SPAG16: variants seen among roughly 807,000 people sequenced by gnomAD.
The protein encoded by SPAG16 is sperm-associated antigen 16 protein.
SPAG16 carries 86 observed loss-of-function variants against 80.4 expected under a neutral mutation model. The ratio of observed to expected loss-of-function variants is 1.07; its 90% CI spans 0.90 to 1.28. The LOEUF (loss-of-function observed/expected upper bound fraction) is 1.28, where lower values mean the gene tolerates loss of function less well. Ranked by LOEUF, SPAG16 falls within the 50% of genes most tolerant of loss-of-function variation. SPAG16 has a pLI of 0.00. For synonymous variants in SPAG16, 294 were observed against 265.9 expected (o/e 1.11, Z -1.03); for missense variants, 870 against 765.3 (o/e 1.14, Z -1.61).
At chr2:213,666,968 C>T (rs2063630129) in intron 10 of SPAG16, among the ~76,000 whole-genome samples, 1 of 152,162 alleles carries the variant, frequency 6.6e-6, no homozygotes, top group Admixed American at 6.5e-5. Flanking sequence ...TTGTAGAATG[C>T]ATTTCTATGA....
intron 10 of SPAG16, among the ~76,000 whole-genome samples, chr2:213,708,943 T>C (rs1217427074): frequency 2.0e-5 from 3 of 152,200 alleles, no homozygotes; most frequent in Non-Finnish European, 2.9e-5. Context: ...GTGATATCTG[T>C]ATATATCAGC....
intron 1 of SPAG16, among the ~76,000 whole-genome samples, chr2:213,289,338 C>T (rs556301122): frequency 2.0e-5 from 3 of 152,322 alleles, no homozygotes; most frequent in Admixed American, 1.3e-4. Flanking sequence ...CTGAGTCTTA[C>T]ATGCTGAACA....
chr2:213,925,010 A>G (rs945410502), intron 11 of SPAG16, among the ~76,000 whole-genome samples: 2 of 151,842 alleles, frequency 1.3e-5, no homozygotes, highest in Admixed American at 6.6e-5. Context: ...ATGCTCTATT[A>G]CTATTCTTAT....
At chr2:213,656,536 A>C (rs2063230909) in intron 10 of SPAG16, among the ~76,000 whole-genome samples, 2 of 152,210 alleles carry the variant, frequency 1.3e-5, no homozygotes, top group Admixed American at 1.3e-4. Flanking sequence ...GTTGTTGAAG[A>C]AGTCAGGCCA....
At chr2:213,533,592 C>A (rs2076146383) in intron 10 of SPAG16, among the ~76,000 whole-genome samples, 1 of 152,146 alleles carries the variant, frequency 6.6e-6, no homozygotes, top group Middle Eastern at 3.4e-3. Context: ...AAAGTTCATG[C>A]CAATTTTTCT....
chr2:214,188,327 A>G (rs1450639048), intron 15 of SPAG16, among the ~76,000 whole-genome samples: 1 of 152,194 alleles, frequency 6.6e-6, no homozygotes, highest in African/African-American at 2.4e-5. Flanking sequence ...TTGTATATAC[A>G]TTCCACACAT....
chr2:213,350,542 A>C lies in SPAG16; in HGVS notation c.659A>C (p.Tyr220Ser), dbSNP rs1426596251. 1 of 1,566,918 alleles carries C rather than the reference A, an allele frequency of 6.4e-7. No individual in the cohort carries two copies. ...ATTTTTTATAGGTTGAAGTTACATTATGCATCTTATGAACCGACTATAAGG... is the reference window on the plus strand; with the variant it reads ...ATTTTTTATAGGTTGAAGTTACATTCTGCATCTTATGAACCGACTATAAGG... The part of the protein sequence containing the change: ...INDLKGLKLH[Y>S]ASYEPTIRVL... Residue 220 changes from tyrosine to serine, a missense_variant, in exon 7 of 16, where the codon TAT (tyrosine) becomes TCT (serine). Coordinates refer to ENST00000331683, the MANE Select transcript of SPAG16 (RefSeq NM_024532.5).
intron 10 of SPAG16, among the ~76,000 whole-genome samples, chr2:213,678,880 C>G (rs929578409): frequency 6.6e-6 from 1 of 152,124 alleles, no homozygotes; most frequent in Admixed American, 6.6e-5. Flanking sequence ...GTTTTGCCCC[C>G]ATCTCATCCT....
chr2:214,071,996 A>G (rs1168388169), intron 13 of SPAG16, among the ~76,000 whole-genome samples: 1 of 152,174 alleles, frequency 6.6e-6, no homozygotes, highest in East Asian at 1.9e-4. Flanking sequence ...ATAAATATGT[A>G]CAAGCTATTT....
At chr2:213,808,121 G>A (rs1241355824) in intron 10 of SPAG16, among the ~76,000 whole-genome samples, 1 of 152,206 alleles carries the variant, frequency 6.6e-6, no homozygotes, top group Non-Finnish European at 1.5e-5. Flanking sequence ...AGCCACGTAT[G>A]AATGAGGCTG....
chr2:213,971,516 A>G (rs2045053780), intron 12 of SPAG16, among the ~76,000 whole-genome samples: 1 of 152,140 alleles, frequency 6.6e-6, no homozygotes, highest in South Asian at 2.1e-4. Flanking sequence ...ACAGTTTTCC[A>G]TTTTAACCAT....
In SPAG16 at chr2:214,292,108, G is replaced by A. The variant is rs114349683; in HGVS notation, c.1721-118032G>A. 4.7e-3 allele frequency among the ~76,000 whole-genome samples: 709 copies of A among 152,218 alleles called. 4 individuals are homozygous for A. The highest frequency in any genetic ancestry group is 0.016 in the African/African-American group (674 of 41,546). On this transcript the variant is annotated intron_variant, in intron 15 of 15. Coordinates refer to ENST00000331683, the MANE Select transcript of SPAG16 (RefSeq NM_024532.5). Reference sequence around the variant, plus strand: ...TCCTGGCCTAACAGGTTTCTGCTGAGCCCCAGTGTTAGTCTGATGGGAGTT... The same window carrying A: ...TCCTGGCCTAACAGGTTTCTGCTGAACCCCAGTGTTAGTCTGATGGGAGTT...
chr2:213,515,976 T>A (rs749242272), intron 10 of SPAG16, among the ~76,000 whole-genome samples: 1 of 152,168 alleles, frequency 6.6e-6, no homozygotes, highest in South Asian at 2.1e-4. Flanking sequence ...AAGAGAGCTA[T>A]TGAAACAAAA....
intron 12 of SPAG16, among the ~76,000 whole-genome samples, chr2:214,000,582 A>G (rs1170744324): frequency 6.6e-6 from 1 of 152,178 alleles, no homozygotes; most frequent in African/African-American, 2.4e-5. Context: ...TAAGTGATGG[A>G]TTGTGACATA....
chr2:213,670,515 T>G (rs979106568), intron 10 of SPAG16, among the ~76,000 whole-genome samples: 6 of 152,104 alleles, frequency 3.9e-5, no homozygotes, highest in African/African-American at 1.2e-4. Flanking sequence ...GTGATTTTTT[T>G]TTTCCTAAAA....
intron 10 of SPAG16, among the ~76,000 whole-genome samples, chr2:213,780,863 A>T (rs2069914311): frequency 1.3e-5 from 2 of 152,106 alleles, no homozygotes; most frequent in African/African-American, 4.8e-5. Flanking sequence ...AATAGCACAC[A>T]CATAATAATA....
chr2:213,713,899 AT>A (rs2066117588), intron 10 of SPAG16, among the ~76,000 whole-genome samples: 1 of 152,200 alleles, frequency 6.6e-6, no homozygotes, highest in Admixed American at 6.5e-5. Flanking sequence ...AAAGTATAAA[AT>A]CATGTTCTTC....
intron 10 of SPAG16, among the ~76,000 whole-genome samples, chr2:213,710,933 G>T (rs2065955707): frequency 6.6e-6 from 1 of 151,860 alleles, no homozygotes. Context: ...AAAGTAAACA[G>T]CATCTTTTTA....
At chr2:214,316,215 G>C (rs1482199551) in intron 15 of SPAG16, among the ~76,000 whole-genome samples, 1 of 151,730 alleles carries the variant, frequency 6.6e-6, no homozygotes, top group Non-Finnish European at 1.5e-5. Flanking sequence ...TGCCTCTGTA[G>C]GTAGCCTATT....
Sources: gnomAD v4.1 joint callset for allele counts (sites outside exome capture counted in the v4.1 genomes callset) on GRCh38, gnomAD v4.1.1 for gene constraint, MANE v1.5 for transcripts, NCBI Gene and HGNC (gene_info 2026-07-23, HGNC 2026-07-21) for gene names.